The following CTNNA2 variants were observed in gnomAD, a reference collection of about 807,000 sequenced individuals.
The protein encoded by CTNNA2 is catenin alpha 2.
Under a neutral mutation model 101.0 loss-of-function variants are expected in CTNNA2, and 42 were observed. The observed-to-expected ratio is 0.42, with a 90% CI of 0.32 to 0.54. The LOEUF (loss-of-function observed/expected upper bound fraction) is 0.54, where lower values mean the gene tolerates loss of function less well. Among genes scored for constraint, CTNNA2 ranks in the 20% least tolerant of loss-of-function variants. CTNNA2 has a pLI of 0.14. For missense variants in CTNNA2, 871 were observed against 1,223.1 expected, an observed-to-expected ratio of 0.71 and a Z score of 4.29; for synonymous variants, 450 against 456.4, an observed-to-expected ratio of 0.99 and a Z score of 0.18.
At chr2:79,242,085 T>C (rs1295588261) in intron 2 of CTNNA2, among the ~76,000 whole-genome samples, 2 of 152,058 alleles carry the variant, frequency 1.3e-5, no homozygotes, top group Non-Finnish European at 2.9e-5. Flanking sequence ...TTTTGTATTT[T>C]TTAGTAGAGA....
chr2:79,637,874 T>C (rs1483334486), intron 1 of CTNNA2, among the ~76,000 whole-genome samples: 1 of 152,240 alleles, frequency 6.6e-6, no homozygotes, highest in Non-Finnish European at 1.5e-5. Context: ...TTTAGTTCTC[T>C]TATGGGTAAA....
intron 1 of CTNNA2, among the ~76,000 whole-genome samples, chr2:79,570,415 G>A (rs1399973639): frequency 1.3e-5 from 2 of 152,054 alleles, no homozygotes; most frequent in African/African-American, 4.8e-5. Context: ...TGGACCCTTT[G>A]TAAATGTGGA....
chr2:79,751,593 C>CAAAAA (rs397985098), intron 3 of CTNNA2, among the ~76,000 whole-genome samples: 61 of 68,846 alleles, frequency 8.9e-4, no homozygotes, highest in African/African-American at 1.1e-3. Context: ...GACTCCATCT[C>CAAAAA]AAAAAAAAAA....
intron 3 of CTNNA2, among the ~76,000 whole-genome samples, chr2:79,790,344 C>A (rs184661490): frequency 6.7e-6 from 1 of 149,040 alleles, no homozygotes; most frequent in Non-Finnish European, 1.5e-5. Flanking sequence ...TGTCAAAGGA[C>A]GCAGAAAGGG....
chr2:80,177,146 AG>A (rs1289089732), intron 7 of CTNNA2, among the ~76,000 whole-genome samples: 3 of 152,162 alleles, frequency 2.0e-5, no homozygotes, highest in African/African-American at 7.2e-5. Context: ...TGGTGAGACC[AG>A]TGGGTTTCAT....
At chr2:79,801,917 G>A (rs967857686) in intron 3 of CTNNA2, among the ~76,000 whole-genome samples, 8 of 150,330 alleles carry the variant, frequency 5.3e-5, no homozygotes, top group African/African-American at 1.2e-4. Flanking sequence ...GCTTGAACCC[G>A]GGAGGCAGAG....
chr2:79,342,718 A>C (rs909318325), intron 3 of CTNNA2, among the ~76,000 whole-genome samples: 22 of 152,188 alleles, frequency 1.4e-4, no homozygotes, highest in Non-Finnish European at 2.9e-4. Flanking sequence ...AACAATTGCA[A>C]ATGCATCCCT....
intron 3 of CTNNA2, among the ~76,000 whole-genome samples, chr2:79,351,697 GT>G (rs1460440144): frequency 6.6e-6 from 1 of 152,040 alleles, no homozygotes; most frequent in Non-Finnish European, 1.5e-5. Flanking sequence ...TTGGCTTTCT[GT>G]TTCTGTGTTA....
Position 79,497,544 on chromosome 2 carries a change from C to T in CTNNA2, c.-134-7510C>T, listed in dbSNP as rs78123023. 7.1e-3 allele frequency among the ~76,000 whole-genome samples: 1,079 copies of T among 152,268 alleles called. 13 individuals carry two copies. Among genetic ancestry groups the T allele is most frequent in the African/African-American group, 0.025 (1,026 of 41,542 alleles). The stretch of plus-strand genomic sequence containing the variant: ...GTAATGTTACATCAGATAATGTTAA[C>T]CATTTCTCAGTGTCTTGTTAACTCA... On this transcript the variant is annotated intron_variant, in intron 4 of 21. Transcript: ENST00000466387.
At chr2:79,304,578 G>A (rs1009742220) in intron 2 of CTNNA2, among the ~76,000 whole-genome samples, 4 of 152,208 alleles carry the variant, frequency 2.6e-5, no homozygotes, top group East Asian at 3.9e-4. Flanking sequence ...ATAAACCGAA[G>A]GATTAAGCGT....
intron 6 of CTNNA2, among the ~76,000 whole-genome samples, chr2:79,891,779 G>A (rs142072520): frequency 6.6e-6 from 1 of 151,992 alleles, no homozygotes; most frequent in East Asian, 1.9e-4. Context: ...GAAGTAAGTA[G>A]GAAGAAACAA....
intron 7 of CTNNA2, among the ~76,000 whole-genome samples, chr2:80,150,590 A>AT (rs1703637134): frequency 6.6e-6 from 1 of 152,094 alleles, no homozygotes. Context: ...GGATTTTTAG[A>AT]TTTTGGAACA....
chr2:79,544,980 C>A (rs1389078863), intron 1 of CTNNA2, among the ~76,000 whole-genome samples: 4 of 152,024 alleles, frequency 2.6e-5, no homozygotes, highest in Admixed American at 2.0e-4. Context: ...CCTGAGGGAG[C>A]AATAGGCCGG....
chr2:79,421,349 C>T (rs921153370), intron 4 of CTNNA2, among the ~76,000 whole-genome samples: 3 of 152,004 alleles, frequency 2.0e-5, no homozygotes, highest in East Asian at 1.9e-4. Flanking sequence ...AAGGAACTTA[C>T]GCGAGAGCTG....
intron 7 of CTNNA2, among the ~76,000 whole-genome samples, chr2:80,108,186 G>A (rs2148855546): frequency 6.6e-6 from 1 of 152,304 alleles, no homozygotes; most frequent in South Asian, 2.1e-4. Flanking sequence ...TATCAAATAA[G>A]AGGAGCCCAG....
intron 9 of CTNNA2, among the ~76,000 whole-genome samples, chr2:80,529,090 C>A (rs906613793): frequency 1.3e-5 from 2 of 152,132 alleles, no homozygotes; most frequent in East Asian, 1.9e-4. Context: ...GCATCTGGGG[C>A]AACTCATGTC....
chr2:79,333,975 T>C (rs1351150720), intron 3 of CTNNA2, among the ~76,000 whole-genome samples: 1 of 152,136 alleles, frequency 6.6e-6, no homozygotes, highest in Non-Finnish European at 1.5e-5. Context: ...TAATTACACA[T>C]ACTTATGGAG....
chr2:79,642,725 G>T (rs1680529524), intron 1 of CTNNA2, among the ~76,000 whole-genome samples: 1 of 151,712 alleles, frequency 6.6e-6, no homozygotes, highest in Non-Finnish European at 1.5e-5. Flanking sequence ...TGGGAGCCAG[G>T]ATGCCTTTTA....
intron 7 of CTNNA2, among the ~76,000 whole-genome samples, chr2:80,113,140 G>C (rs764314159): frequency 5.9e-5 from 9 of 152,142 alleles, no homozygotes; most frequent in Admixed American, 2.6e-4. Context: ...GGAAAGACAA[G>C]GAAAGTCAGG....
Sources: gnomAD v4.1 joint callset for allele counts (sites outside exome capture counted in the v4.1 genomes callset) on GRCh38, gnomAD v4.1.1 for gene constraint, MANE v1.5 for transcripts, NCBI Gene and HGNC (gene_info 2026-07-23, HGNC 2026-07-21) for gene names.